Variants in B3GLCT observed in about 807,000 individuals in gnomAD.
B3GLCT encodes beta 3-glucosyltransferase, also known as beta-1,3-glucosyltransferase.
B3GLCT carries 65 observed loss-of-function variants against 63.4 expected under a neutral mutation model. The ratio of observed to expected loss-of-function variants is 1.03; its 90% CI spans 0.84 to 1.26. The LOEUF (loss-of-function observed/expected upper bound fraction) is 1.26, where lower values mean the gene tolerates loss of function less well. Ranked by LOEUF, B3GLCT falls within the 50% of genes most tolerant of loss-of-function variation. The probability of loss-of-function intolerance (pLI) is 0.00; values close to 1 mark genes in which losing one functional copy is unlikely to be tolerated. For missense variants in B3GLCT, 577 were observed against 604.8 expected (o/e 0.95, Z 0.48); for synonymous variants, 233 against 219.2 (o/e 1.06, Z -0.55).
intron 2 of B3GLCT, among the ~76,000 whole-genome samples, chr13:31,222,426 T>G (rs1028749): frequency 0.96 from 146,155 of 152,208 alleles, 70,299 homozygotes; most frequent in East Asian, 1. Context: ...CTGAGGCCCT[T>G]TGCAGGCCCC....
At chr13:31,277,695 T>C (rs1872866513) in intron 10 of B3GLCT, among the ~76,000 whole-genome samples, 1 of 152,106 alleles carries the variant, frequency 6.6e-6, no homozygotes, top group Non-Finnish European at 1.5e-5. Flanking sequence ...GAAGATGTTT[T>C]CCAAATAAAA....
Position 31,284,675 on chromosome 13 carries a change from G to T in B3GLCT, c.878G>T (p.Ser293Ile). 3 of 1,610,044 alleles carry T rather than the reference G, an allele frequency of 1.9e-6. No homozygotes were observed. The highest frequency in any genetic ancestry group is 2.6e-6 in the Non-Finnish European group (3 of 1,176,322). ...CCTATTGTTAAGCAGACTTGGGAGA[G>T]CCAGGCAAGTCTCATTGAATACTAT... The part of the protein sequence containing the change: ...RIPIVKQTWE[S>I]QASLIEYYSD... Residue 293 changes from serine (S) to isoleucine (I), a missense_variant, in exon 11 of 15, where the codon AGC becomes ATC. By Grantham distance (142) the Ser-to-Ile change is moderately radical (BLOSUM62 -2). Coordinates refer to ENST00000343307, the MANE Select transcript of B3GLCT (RefSeq NM_194318.4).
rs148738315 is a variant in B3GLCT, at chr13:31,301,624, G to A, written c.1064+14805G>A. Reference sequence around the variant, plus strand: ...CATTTTACCCTTTCTTCTGCAAAAGGCTTTGGGTCCCCAGCCTGGAGTCCC... The same window carrying A: ...CATTTTACCCTTTCTTCTGCAAAAGACTTTGGGTCCCCAGCCTGGAGTCCC... On this transcript the variant is annotated intron_variant, in intron 12 of 14. Transcript: ENST00000343307. 1.9e-3 allele frequency among the ~76,000 whole-genome samples: 288 copies of A among 152,264 alleles called. 1 individual carries two copies. The highest frequency in any genetic ancestry group is 5.8e-3 in the African/African-American group (240 of 41,558).
chr13:31,209,627 C>T (rs573141015), intron 1 of B3GLCT, among the ~76,000 whole-genome samples: 1 of 152,178 alleles, frequency 6.6e-6, no homozygotes, highest in East Asian at 1.9e-4. Flanking sequence ...GGGTTTTATG[C>T]TCTCCTGGCT....
chr13:31,314,913 C>T (rs1402164644), intron 12 of B3GLCT, among the ~76,000 whole-genome samples: 1 of 152,184 alleles, frequency 6.6e-6, no homozygotes, highest in Non-Finnish European at 1.5e-5. Flanking sequence ...GTGCTGTTCT[C>T]ATGATAGTGA....
chr13:31,301,937 C>T (rs1010479316), intron 12 of B3GLCT, among the ~76,000 whole-genome samples: 4 of 152,188 alleles, frequency 2.6e-5, no homozygotes, highest in African/African-American at 9.7e-5. Context: ...TATGTCCACC[C>T]TCCTGGGGTG....
intron 1 of B3GLCT, among the ~76,000 whole-genome samples, chr13:31,201,340 G>C (rs1868657855): frequency 2.0e-5 from 3 of 152,214 alleles, no homozygotes; most frequent in Non-Finnish European, 4.4e-5. Context: ...CGCTCAGTAA[G>C]TGTGGGAAAA....
intron 1 of B3GLCT, among the ~76,000 whole-genome samples, chr13:31,214,230 G>C (rs1207642754): frequency 6.6e-6 from 1 of 152,178 alleles, no homozygotes; most frequent in African/African-American, 2.4e-5. Context: ...GTGCTAATTG[G>C]AGAAAGTGAA....
intron 7 of B3GLCT, 125 bp from the exon 8 acceptor site, chr13:31,269,089 C>G: frequency 1.4e-6 from 1 of 700,322 alleles, no homozygotes. Flanking sequence ...GGAATTTAAA[C>G]TGTTATTTTT....
intron 8 of B3GLCT, among the ~76,000 whole-genome samples, chr13:31,269,894 C>T (rs1872507501): frequency 6.6e-6 from 1 of 152,200 alleles, no homozygotes; most frequent in African/African-American, 2.4e-5. Context: ...TTCCCAGCCC[C>T]TAGAACTGTG....
intron 13 of B3GLCT, among the ~76,000 whole-genome samples, chr13:31,321,749 T>A: frequency 6.6e-6 from 1 of 152,228 alleles, no homozygotes; most frequent in East Asian, 1.9e-4. Context: ...CATGAGACCT[T>A]TGTACTATTT....
intron 6 of B3GLCT, among the ~76,000 whole-genome samples, chr13:31,251,969 A>G (rs920110274): frequency 2.0e-5 from 3 of 152,202 alleles, no homozygotes; most frequent in African/African-American, 7.2e-5. Flanking sequence ...AGCCAGAGGG[A>G]AAGTCCGGTT....
intron 8 of B3GLCT, among the ~76,000 whole-genome samples, chr13:31,270,912 A>C (rs1350309193): frequency 6.6e-6 from 1 of 152,124 alleles, no homozygotes; most frequent in Non-Finnish European, 1.5e-5. Flanking sequence ...AATGTATTTA[A>C]GTGAAAGGAA....
chr13:31,252,473 C>G (rs1161559133), intron 6 of B3GLCT, among the ~76,000 whole-genome samples: 1 of 151,994 alleles, frequency 6.6e-6, no homozygotes, highest in Non-Finnish European at 1.5e-5. Flanking sequence ...TTGGGAGACC[C>G]ATCTCATGTG....
intron 1 of B3GLCT, among the ~76,000 whole-genome samples, chr13:31,206,605 G>GTT: frequency 6.9e-6 from 1 of 145,582 alleles, no homozygotes. Flanking sequence ...AAAAAAAAAG[G>GTT]TAGCCGGGCA....
intron 6 of B3GLCT, among the ~76,000 whole-genome samples, chr13:31,258,127 G>C (rs1467262207): frequency 3.9e-5 from 6 of 152,212 alleles, no homozygotes. Flanking sequence ...CATTTGAACA[G>C]AGTGAAGGAA....
At chr13:31,276,418 G>A (rs939823641) in intron 9 of B3GLCT, among the ~76,000 whole-genome samples, 1 of 152,072 alleles carries the variant, frequency 6.6e-6, no homozygotes, top group Non-Finnish European at 1.5e-5. Flanking sequence ...CCTTGCAGTG[G>A]TTATTATTTT....
At chr13:31,257,715 A>C (rs1871812053) in intron 6 of B3GLCT, among the ~76,000 whole-genome samples, 1 of 151,966 alleles carries the variant, frequency 6.6e-6, no homozygotes, top group South Asian at 2.1e-4. Context: ...ATAGAGAGTG[A>C]GGTGGTCTTG....
intron 8 of B3GLCT, among the ~76,000 whole-genome samples, chr13:31,273,865 C>G (rs768542422): frequency 1.3e-5 from 2 of 152,194 alleles, no homozygotes; most frequent in Non-Finnish European, 2.9e-5. Flanking sequence ...TCTTTTCCCT[C>G]CATTTAGACC....
Sources: gnomAD v4.1 joint callset for allele counts (sites outside exome capture counted in the v4.1 genomes callset) on GRCh38, gnomAD v4.1.1 for gene constraint, MANE v1.5 for transcripts, NCBI Gene and HGNC (gene_info 2026-07-23, HGNC 2026-07-21) for gene names.